Variants in PSEN1 observed in about 807,000 individuals in gnomAD.
PSEN1 encodes presenilin-1.
Under a neutral mutation model 53.5 loss-of-function variants are expected in PSEN1, and 15 were observed. That is an observed-to-expected ratio of 0.28 (90% CI 0.19 to 0.43). PSEN1 has a LOEUF of 0.43. Ranked by LOEUF, PSEN1 falls within the 20% of genes least tolerant of loss-of-function variation. The pLI is 1.00. For synonymous variants in PSEN1, 208 were observed against 209.8 expected, an observed-to-expected ratio of 0.99 and a Z score of 0.08; for missense variants, 387 against 571.2, an observed-to-expected ratio of 0.68 and a Z score of 3.29.
Position 73,141,683 on chromosome 14 carries a change from G to A in PSEN1, c.-136+5100G>A, listed in dbSNP as rs557755410. Among the ~76,000 whole-genome samples the A allele has an allele frequency of 3.9e-5, 6 of 152,262 alleles. No homozygotes were observed. The East Asian group carries it at 9.7e-4, about 25-fold the overall frequency. On this transcript the variant is annotated intron_variant, in intron 1 of 11. Transcript: ENST00000324501. ...GTCTGTAATCCTAGCTACTCAGGAG[G>A]CTGAGGCAGGAGAATTGCTTGAACC...
chr14:73,215,063 C>T (rs1215432377), intron 10 of PSEN1, among the ~76,000 whole-genome samples: 3 of 151,964 alleles, frequency 2.0e-5, no homozygotes, highest in Non-Finnish European at 4.4e-5. Flanking sequence ...CAGGTTCAAG[C>T]GATACTCCTG....
chr14:73,197,047 C>G (rs984731404), intron 7 of PSEN1, among the ~76,000 whole-genome samples: 1 of 151,882 alleles, frequency 6.6e-6, no homozygotes, highest in African/African-American at 2.4e-5. Flanking sequence ...GTTCTCCTGC[C>G]TCAGCCTCCC....
At chr14:73,197,179 C>T (rs1235850394) in intron 7 of PSEN1, among the ~76,000 whole-genome samples, 4 of 152,082 alleles carry the variant, frequency 2.6e-5, no homozygotes, top group African/African-American at 9.7e-5. Context: ...GTGATCCGCC[C>T]ACCTCGGCCT....
chr14:73,170,059 G>A (rs1325755949), intron 3 of PSEN1, among the ~76,000 whole-genome samples: 2 of 152,208 alleles, frequency 1.3e-5, no homozygotes, highest in Non-Finnish European at 2.9e-5. Context: ...TCCGGACGTT[G>A]CCATGGCATC....
chr14:73,212,485 TTTTAATTGTTCCAGTAAGCC>T (rs1218925182), intron 10 of PSEN1, among the ~76,000 whole-genome samples: 2 of 152,226 alleles, frequency 1.3e-5, no homozygotes, highest in African/African-American at 4.8e-5. Flanking sequence ...AGATTTGTTT[TTTTAATTGTTCCAGTAAGCC>T]TTCATGGCCG....
rs1491464395 is a variant in PSEN1, at chr14:73,151,895, T to TATATATATATATA, written c.87+3789_87+3790insATATATATATATA. 5.5e-4 allele frequency among the ~76,000 whole-genome samples: 6 copies of TATATATATATATA among 10,962 alleles called. 1 individual carries two copies. The highest frequency in any genetic ancestry group is 4.1e-3 in the African/African-American group (6 of 1,462). 7.2% of individuals were successfully genotyped at this position (10,962 alleles called of 152,430 possible). A position where few individuals can be genotyped will look rare whatever the true frequency, so the allele number is the denominator to read the frequency against. On this transcript the variant is annotated intron_variant, in intron 3 of 11. Transcript: ENST00000324501. The stretch of plus-strand genomic sequence containing the variant: ...AAAATATTTTATATATATATATATA[T>TATATATATATATA]TTTTTTTTTTTTTTTTTTTTTTTTT...
At chr14:73,151,427 G>T (rs1313554858) in intron 3 of PSEN1, among the ~76,000 whole-genome samples, 1 of 152,152 alleles carries the variant, frequency 6.6e-6, no homozygotes, top group African/African-American at 2.4e-5. Flanking sequence ...AGTGTATATT[G>T]CAGGCCAGGC....
At chr14:73,192,543 G>A in intron 6 of PSEN1, 101 bp from the exon 7 acceptor site, 1 of 812,598 alleles carries the variant, frequency 1.2e-6, no homozygotes, top group East Asian at 2.5e-5. Context: ...TATAAAGGTG[G>A]GATATTAATA....
At chr14:73,153,679 C>G (rs531258859) in intron 3 of PSEN1, among the ~76,000 whole-genome samples, 1 of 150,204 alleles carries the variant, frequency 6.7e-6, no homozygotes, top group East Asian at 2.0e-4. Context: ...TTTTTTTTGC[C>G]CATTAAGTCT....
intron 3 of PSEN1, among the ~76,000 whole-genome samples, chr14:73,167,568 G>T (rs1489937002): frequency 2.0e-5 from 3 of 152,060 alleles, no homozygotes; most frequent in Non-Finnish European, 2.9e-5. Flanking sequence ...ATGGCAACCA[G>T]GTTTCCAGTA....
rs114952061 is a variant in PSEN1 at position 73,197,273 on chromosome 14, G to A, written c.770-758G>A. Among the ~76,000 whole-genome samples the A allele has an allele frequency of 2.8e-3, 431 of 152,264 alleles. 3 individuals are homozygous for A. The highest frequency in any genetic ancestry group is 9.8e-3 in the African/African-American group (405 of 41,530). ...CATGACAGAGAATGAAAGAAAAAGT[G>A]CAGTTGATCGAAAGAAATGGTGGTA... On this transcript the variant is annotated intron_variant, in intron 7 of 11. Coordinates refer to ENST00000324501, the MANE Select transcript of PSEN1 (RefSeq NM_000021.4).
intron 3 of PSEN1, among the ~76,000 whole-genome samples, chr14:73,162,068 A>C (rs1408548393): frequency 1.3e-5 from 2 of 150,786 alleles, no homozygotes; most frequent in African/African-American, 4.9e-5. Flanking sequence ...AATCCCAGCT[A>C]CTCGGGAGAC....
chr14:73,205,788 T>A (rs554647962), intron 8 of PSEN1, among the ~76,000 whole-genome samples: 1 of 152,320 alleles, frequency 6.6e-6, no homozygotes, highest in Non-Finnish European at 1.5e-5. Flanking sequence ...TAAAATGTGG[T>A]AGAGATGCAC....
chr14:73,136,493 C>G (rs200531676), upstream of PSEN1: 2 of 152,888 alleles, frequency 1.3e-5, no homozygotes, highest in Non-Finnish European at 2.9e-5. Context: ...CTCCGGGGTC[C>G]GCGGTTTCAC....
intron 3 of PSEN1, among the ~76,000 whole-genome samples, chr14:73,152,060 C>T (rs982648734): frequency 6.0e-5 from 9 of 150,288 alleles, no homozygotes; most frequent in African/African-American, 2.2e-4. Flanking sequence ...TACAGGCGCC[C>T]GCCACCATGC....
At chr14:73,202,616 G>A (rs897335182) in intron 8 of PSEN1, among the ~76,000 whole-genome samples, 5 of 149,176 alleles carry the variant, frequency 3.4e-5, no homozygotes, top group Admixed American at 2.7e-4. Context: ...GGGACTCTAG[G>A]CGCCCGCCAC....
chr14:73,158,209 C>G (rs551035471), intron 3 of PSEN1, among the ~76,000 whole-genome samples: 2 of 152,134 alleles, frequency 1.3e-5, no homozygotes, highest in South Asian at 2.1e-4. Context: ...TGGGCATATG[C>G]TTTAATTTAT....
intron 1 of PSEN1, among the ~76,000 whole-genome samples, chr14:73,137,955 C>T (rs1265525127): frequency 6.6e-6 from 1 of 151,776 alleles, no homozygotes; most frequent in African/African-American, 2.4e-5. Context: ...GTAGTCCCAG[C>T]TGCTCCCAAG....
chr14:73,138,037 A>T (rs374096090), intron 1 of PSEN1: 5 of 151,140 alleles, frequency 3.3e-5, no homozygotes, highest in South Asian at 4.2e-4. Flanking sequence ...ATGCCACTGC[A>T]CTGCAGCCTG....
Sources: gnomAD v4.1 joint callset for allele counts (sites outside exome capture counted in the v4.1 genomes callset) on GRCh38, gnomAD v4.1.1 for gene constraint, MANE v1.5 for transcripts, NCBI Gene and HGNC (gene_info 2026-07-23, HGNC 2026-07-21) for gene names.